The following FBLN7 variants were observed in gnomAD, a reference collection of about 807,000 sequenced individuals.
The protein encoded by FBLN7 is fibulin 7.
FBLN7 carries 31 observed loss-of-function variants against 44.0 expected under a neutral mutation model. The observed-to-expected ratio is 0.70, with a 90% confidence interval of 0.53 to 0.95. FBLN7 has a LOEUF of 0.95. Among genes scored for constraint, FBLN7 ranks in the 40% least tolerant of loss-of-function variants. FBLN7 has a pLI of 0.00. For synonymous variants in FBLN7, 262 were observed against 253.4 expected, an observed-to-expected ratio of 1.03 and a Z score of -0.32; for missense variants, 573 against 618.5, an observed-to-expected ratio of 0.93 and a Z score of 0.78.
At chr2:112,215,165 G>A in the FBLN7 span, 1 of 152,068 alleles carries the variant, frequency 6.6e-6, no homozygotes, top group African/African-American at 2.4e-5. Flanking sequence ...TATTGACAAG[G>A]CTCATGAAAA....
At chr2:112,230,781 T>C in the FBLN7 span, 1 of 576,478 alleles carries the variant, frequency 1.7e-6, no homozygotes. Context: ...ATTTTATAAT[T>C]CTTTTTTAGT....
At chr2:112,219,738 T>C in the FBLN7 span, among the ~76,000 whole-genome samples, 2 of 152,138 alleles carry the variant, frequency 1.3e-5, no homozygotes, top group Non-Finnish European at 2.9e-5. Flanking sequence ...GAGCAGAATG[T>C]ACATTCTGTT....
chr2:112,218,598 G>C, the FBLN7 span, among the ~76,000 whole-genome samples: 1 of 152,112 alleles, frequency 6.6e-6, no homozygotes, highest in Non-Finnish European at 1.5e-5. Flanking sequence ...ACACAAGTTT[G>C]AACTGTATGA....
Position 112,144,287 on chromosome 2 carries a change from T to C in FBLN7, c.75+5557T>C, listed in dbSNP as rs1041172812. Reference sequence around the variant, plus strand: ...ATGATTCAGACAATTCTGATGTTAGTTCTGCTTTGAAATAACTACAAGAAC... The same window carrying C: ...ATGATTCAGACAATTCTGATGTTAGCTCTGCTTTGAAATAACTACAAGAAC... On this transcript the variant is annotated intron_variant, in intron 1 of 7. Transcript: ENST00000331203. Among the ~76,000 whole-genome samples the C allele has an allele frequency of 5.8e-4, 89 of 152,350 alleles. 1 individual carries two copies. Among genetic ancestry groups the C allele is most frequent in the African/African-American group, 2.1e-3 (86 of 41,586 alleles).
chr2:112,195,899 T>G, the FBLN7 span, among the ~76,000 whole-genome samples: 1 of 152,174 alleles, frequency 6.6e-6, no homozygotes, highest in Non-Finnish European at 1.5e-5. Flanking sequence ...TAATACTTCC[T>G]CCTCTCCCAC....
At chr2:112,199,532 C>T in the FBLN7 span, among the ~76,000 whole-genome samples, 4 of 152,200 alleles carry the variant, frequency 2.6e-5, no homozygotes, top group Admixed American at 2.6e-4. Flanking sequence ...AGTACTGACT[C>T]TTCCAGAAAC....
chr2:112,216,590 C>G, the FBLN7 span: 1 of 149,696 alleles, frequency 6.7e-6, no homozygotes, highest in South Asian at 2.1e-4. Flanking sequence ...CTGAAGAAAA[C>G]AAGCAAAAAT....
Position 112,165,012 on chromosome 2 carries a change from G to C in FBLN7, c.247G>C (p.Ala83Pro). 1 of 1,614,060 alleles carries C rather than the reference G, an allele frequency of 6.2e-7. No individual in the cohort carries two copies. Among genetic ancestry groups the C allele is most frequent in the Non-Finnish European group, 8.5e-7 (1 of 1,179,980 alleles). The change falls in exon 3 of 8, where the codon GCT becomes CCT. Residue 83 changes from alanine (A) to proline (P), a missense_variant. By Grantham distance (27) the Ala-to-Pro change is conservative. Transcript: ENST00000331203. ...ATCTCTCCTTACAGTTTCCTGCCCGGCTCTGAACACCCCCGCAGACGGCAG... is the reference window on the plus strand; with the variant it reads ...ATCTCTCCTTACAGTTTCCTGCCCGCCTCTGAACACCCCCGCAGACGGCAG... ...GPDALPVSCP[A>P]LNTPADGRKF...
At chr2:112,165,792 TTCTC>T (rs1337188391) in intron 3 of FBLN7, among the ~76,000 whole-genome samples, 1 of 152,190 alleles carries the variant, frequency 6.6e-6, no homozygotes, top group Non-Finnish European at 1.5e-5. Flanking sequence ...ATGAGAAGGC[TTCTC>T]TCTGTGCTAG....
intron 2 of FBLN7, among the ~76,000 whole-genome samples, chr2:112,162,102 C>T (rs555870016): frequency 1.2e-4 from 19 of 152,310 alleles, no homozygotes; most frequent in African/African-American, 4.6e-4. Flanking sequence ...TTCACTGCAG[C>T]CTCCCAGGCT....
the FBLN7 span, among the ~76,000 whole-genome samples, chr2:112,206,420 G>A: frequency 6.6e-6 from 1 of 152,070 alleles, no homozygotes; most frequent in Non-Finnish European, 1.5e-5. Flanking sequence ...GATCTCTACA[G>A]TTGTCTTCAT....
chr2:112,191,901 T>C (rs1683502358), downstream of FBLN7, among the ~76,000 whole-genome samples: 1 of 152,188 alleles, frequency 6.6e-6, no homozygotes, highest in Non-Finnish European at 1.5e-5. Flanking sequence ...GTATTCAGAG[T>C]TTATCTTCTG....
chr2:112,225,036 T>G, the FBLN7 span, among the ~76,000 whole-genome samples: 1 of 152,222 alleles, frequency 6.6e-6, no homozygotes, highest in African/African-American at 2.4e-5. Context: ...TTATTCTGTT[T>G]GATGCTACTG....
chr2:112,145,330 C>A (rs1047929577), intron 1 of FBLN7, among the ~76,000 whole-genome samples: 4 of 152,044 alleles, frequency 2.6e-5, no homozygotes, highest in Admixed American at 2.0e-4. Context: ...GAGATGGGGT[C>A]TTTCTATGTT....
At chr2:112,221,423 C>T in the FBLN7 span, among the ~76,000 whole-genome samples, 1 of 152,166 alleles carries the variant, frequency 6.6e-6, no homozygotes, top group East Asian at 1.9e-4. Flanking sequence ...AAGTAAGTTT[C>T]CTGAGGCCTC....
chr2:112,160,646 GCGCACGCACAC>G (rs1681715740), intron 2 of FBLN7, among the ~76,000 whole-genome samples: 1 of 4,662 alleles, frequency 2.1e-4, no homozygotes, highest in Non-Finnish European at 4.7e-4. Context: ...GCACACACAC[GCGCACGCACAC>G]GCGCACGCAC....
intron 1 of FBLN7, among the ~76,000 whole-genome samples, chr2:112,148,532 T>A (rs1031657842): frequency 3.3e-5 from 5 of 152,386 alleles, no homozygotes; most frequent in Admixed American, 3.3e-4. Flanking sequence ...AGAGAAGCTC[T>A]GGATCTGAAG....
intron 1 of FBLN7, among the ~76,000 whole-genome samples, chr2:112,156,921 G>GGTGGTT (rs1423166624): frequency 2.0e-5 from 3 of 152,228 alleles, no homozygotes; most frequent in Non-Finnish European, 2.9e-5. Flanking sequence ...CGGTGGTGGT[G>GGTGGTT]GTGGTTGTGG....
At chr2:112,149,358 CG>C (rs1380769972) in intron 1 of FBLN7, among the ~76,000 whole-genome samples, 1 of 152,214 alleles carries the variant, frequency 6.6e-6, no homozygotes, top group Non-Finnish European at 1.5e-5. Flanking sequence ...CAATCAGGAA[CG>C]GATGTCCTCC....
Sources: gnomAD v4.1 joint callset for allele counts (sites outside exome capture counted in the v4.1 genomes callset) on GRCh38, gnomAD v4.1.1 for gene constraint, MANE v1.5 for transcripts, NCBI Gene and HGNC (gene_info 2026-07-23, HGNC 2026-07-21) for gene names.